PPFIA2: variants seen among roughly 807,000 people sequenced by gnomAD.
The protein encoded by PPFIA2 is PPFI scaffold protein A2.
PPFIA2 carries 46 observed loss-of-function variants against 175.5 expected under a neutral mutation model. The observed-to-expected ratio is 0.26, with a 90% CI of 0.21 to 0.34. The LOEUF (loss-of-function observed/expected upper bound fraction) is 0.34. Ranked by LOEUF, PPFIA2 falls within the 10% of genes least tolerant of loss-of-function variation. PPFIA2 has a pLI of 1.00. For missense variants in PPFIA2, 1,179 were observed against 1,506.1 expected (o/e 0.78, Z 3.60); for synonymous variants, 568 against 511.4 (o/e 1.11, Z -1.49).
chr12:81,276,131 A>T (rs913133844), intron 28 of PPFIA2, among the ~76,000 whole-genome samples: 28 of 152,296 alleles, frequency 1.8e-4, no homozygotes, highest in African/African-American at 6.0e-4. Flanking sequence ...TTTAGCAAAA[A>T]AAAGCCCACG....
chr12:81,414,173 T>G (rs2143015314), intron 7 of PPFIA2, among the ~76,000 whole-genome samples: 1 of 151,878 alleles, frequency 6.6e-6, no homozygotes, highest in Non-Finnish European at 1.5e-5. Context: ...CTTCAAAACA[T>G]TTTAAAAATA....
At chr12:81,475,101 A>G (rs2057309843) in intron 4 of PPFIA2, among the ~76,000 whole-genome samples, 1 of 152,214 alleles carries the variant, frequency 6.6e-6, no homozygotes, top group South Asian at 2.1e-4. Context: ...AGATCCCACT[A>G]AGACAGAACA....
intron 3 of PPFIA2, among the ~76,000 whole-genome samples, chr12:81,724,375 T>C (rs1426644506): frequency 2.0e-5 from 3 of 150,930 alleles, no homozygotes; most frequent in Non-Finnish European, 4.5e-5. Flanking sequence ...TTTTCTTACA[T>C]GAATACATTG....
chr12:81,750,925 A>G (rs1311391744), intron 3 of PPFIA2, among the ~76,000 whole-genome samples: 1 of 152,084 alleles, frequency 6.6e-6, no homozygotes, highest in Non-Finnish European at 1.5e-5. Flanking sequence ...TCAATTTTAC[A>G]TGCTTTATTT....
At chr12:81,704,196 T>C (rs1033262292) in intron 3 of PPFIA2, among the ~76,000 whole-genome samples, 11 of 152,200 alleles carry the variant, frequency 7.2e-5, no homozygotes, top group Non-Finnish European at 1.2e-4. Flanking sequence ...AATAGTGAAG[T>C]AGGGTGTGCA....
rs1320282434 is a variant in PPFIA2, at chr12:81,462,503, T to A, written c.304-4637A>T. On this transcript the variant is annotated intron_variant, in intron 4 of 32. Coordinates refer to ENST00000549396, the MANE Select transcript of PPFIA2 (RefSeq NM_003625.5). ...ATACTCTGTATTATATATTGTATTC[T>A]GTTTCTTACCTTTTTCACTCATATA... Among the ~76,000 whole-genome samples the A allele has an allele frequency of 2.0e-5, 3 of 146,644 alleles. 1 individual carries two copies. Among genetic ancestry groups the A allele is most frequent in the African/African-American group, 7.4e-5 (3 of 40,460 alleles).
intron 4 of PPFIA2, among the ~76,000 whole-genome samples, chr12:81,629,796 G>C (rs1454005006): frequency 1.3e-5 from 2 of 152,100 alleles, no homozygotes; most frequent in Non-Finnish European, 2.9e-5. Flanking sequence ...TGCTGTTGTT[G>C]GTGAGCCACT....
At chr12:81,606,107 T>C (rs931135687) in intron 4 of PPFIA2, among the ~76,000 whole-genome samples, 3 of 151,914 alleles carry the variant, frequency 2.0e-5, no homozygotes, top group African/African-American at 7.2e-5. Context: ...CACTTAAGAT[T>C]ATGGCCTCCA....
chr12:81,707,203 G>A (rs1347542205), intron 3 of PPFIA2, among the ~76,000 whole-genome samples: 1 of 152,030 alleles, frequency 6.6e-6, no homozygotes, highest in Non-Finnish European at 1.5e-5. Flanking sequence ...TTTCTGCACA[G>A]CAAAAGAAAC....
intron 4 of PPFIA2, among the ~76,000 whole-genome samples, chr12:81,501,876 G>C (rs2060633546): frequency 6.6e-6 from 1 of 152,112 alleles, no homozygotes; most frequent in Non-Finnish European, 1.5e-5. Context: ...AAAGATCAAA[G>C]GAGAAATTGA....
At chr12:81,432,145 T>A (rs1277957776) in intron 7 of PPFIA2, among the ~76,000 whole-genome samples, 1 of 152,188 alleles carries the variant, frequency 6.6e-6, no homozygotes, top group African/African-American at 2.4e-5. Context: ...GCCCTTTAAG[T>A]ACTACTCAAT....
chr12:81,661,949 AC>A (rs1246449068), intron 4 of PPFIA2, among the ~76,000 whole-genome samples: 1 of 152,216 alleles, frequency 6.6e-6, no homozygotes, highest in Non-Finnish European at 1.5e-5. Context: ...CTGAATGACT[AC>A]TGGGTATATA....
intron 32 of PPFIA2, chr12:81,259,958 A>T (rs967327497): frequency 7.8e-6 from 2 of 257,626 alleles, no homozygotes; most frequent in African/African-American, 4.4e-5. Context: ...AAAATTTACA[A>T]CTTGCTAATT....
At chr12:81,420,618 A>G (rs1358532352) in intron 7 of PPFIA2, among the ~76,000 whole-genome samples, 1 of 152,068 alleles carries the variant, frequency 6.6e-6, no homozygotes, top group African/African-American at 2.4e-5. Flanking sequence ...GATCTTAACC[A>G]GTCATAGGAG....
Position 81,258,070 on chromosome 12 carries a change from T to C in PPFIA2, c.*1624A>G, listed in dbSNP as rs1238764133. The stretch of plus-strand genomic sequence containing the variant: ...GTTTAGATGAGCTTAGAAAGCTACT[T>C]CTCATTGTTCCTACTCAGGCCACAT... On this transcript the variant is annotated 3_prime_UTR_variant, in exon 33 of 33. Transcript: ENST00000549396. 6.6e-6 allele frequency: 1 copy of C among 152,134 alleles called. No homozygotes were observed. Among genetic ancestry groups the C allele is most frequent in the Admixed American group, 6.5e-5 (1 of 15,268 alleles). The allele number at this position is 152,134 out of a possible 1,614,324, so 9.4% of individuals were successfully genotyped here.
chr12:81,379,974 A>G (rs902944749), intron 9 of PPFIA2, among the ~76,000 whole-genome samples: 10 of 152,152 alleles, frequency 6.6e-5, no homozygotes, highest in Non-Finnish European at 1.2e-4. Context: ...CCTAATTTTT[A>G]CTCAATTATT....
At chr12:81,363,918 G>C (rs989059126) in intron 14 of PPFIA2, among the ~76,000 whole-genome samples, 1 of 151,876 alleles carries the variant, frequency 6.6e-6, no homozygotes, top group African/African-American at 2.4e-5. Flanking sequence ...TACCTCTTGT[G>C]TGTCAGGCAC....
chr12:81,491,315 T>G (rs1208415179), intron 4 of PPFIA2, among the ~76,000 whole-genome samples: 6 of 151,964 alleles, frequency 3.9e-5, no homozygotes, highest in Admixed American at 3.3e-4. Flanking sequence ...GGTTATTACT[T>G]ATCACAAATC....
chr12:81,290,725 G>C (rs1317985900), intron 24 of PPFIA2, among the ~76,000 whole-genome samples: 1 of 151,604 alleles, frequency 6.6e-6, no homozygotes, highest in African/African-American at 2.4e-5. Flanking sequence ...GACAAAGGGA[G>C]AAAAAATAGC....
Sources: allele counts gnomAD v4.1 joint callset (sites outside exome capture counted in the v4.1 genomes callset), GRCh38; gene constraint gnomAD v4.1.1; transcripts MANE v1.5; gene names NCBI Gene and HGNC (gene_info 2026-07-23, HGNC 2026-07-21).